Variants in FSTL5 observed in about 807,000 individuals in gnomAD.
FSTL5 encodes follistatin like 5, also known as follistatin-related protein 5.
Under a neutral mutation model 89.1 loss-of-function variants are expected in FSTL5, and 62 were observed. The ratio of observed to expected loss-of-function variants is 0.70; its 90% CI spans 0.57 to 0.86. FSTL5 has a LOEUF of 0.86. Among genes scored for constraint, FSTL5 ranks in the 40% least tolerant of loss-of-function variants. The probability of loss-of-function intolerance (pLI) is 0.00; values close to 1 mark genes in which losing one functional copy is unlikely to be tolerated. For missense variants in FSTL5, 1,057 were observed against 1,001.6 expected (o/e 1.06, Z -0.75); for synonymous variants, 383 against 346.2 (o/e 1.11, Z -1.18).
intron 3 of FSTL5, among the ~76,000 whole-genome samples, chr4:161,929,321 C>CT (rs1186283128): frequency 2.0e-5 from 3 of 151,002 alleles, no homozygotes; most frequent in African/African-American, 7.3e-5. Flanking sequence ...TTCCATCACT[C>CT]TTTTTTTGTC....
intron 4 of FSTL5, among the ~76,000 whole-genome samples, chr4:161,783,336 T>C (rs1159039951): frequency 6.6e-6 from 1 of 152,140 alleles, no homozygotes; most frequent in Non-Finnish European, 1.5e-5. Context: ...GAGCTAATGC[T>C]CTTAAGCAGT....
intron 15 of FSTL5, 62 bp from the exon 16 acceptor site, chr4:161,386,511 A>G: frequency 1.7e-6 from 2 of 1,169,538 alleles, no homozygotes; most frequent in Non-Finnish European, 2.4e-6. Flanking sequence ...GTAAGAAAAA[A>G]ACTAGATACA....
intron 15 of FSTL5, among the ~76,000 whole-genome samples, chr4:161,425,004 C>T (rs1732123925): frequency 6.6e-6 from 1 of 152,142 alleles, no homozygotes; most frequent in South Asian, 2.1e-4. Flanking sequence ...TGCCATTGCC[C>T]AGTGTGAGCT....
At position 161,553,397 on chromosome 4, in the gene FSTL5, T is replaced by C. The variant is rs144379378; in HGVS notation, c.1016-10704A>G. On this transcript the variant is annotated intron_variant, in intron 8 of 15. Transcript: ENST00000306100. ...GGAGATACCAAAGGATGTAAATATA[T>C]ATATTTTATTCAAAAATTAGGTAAA... 3.3e-5 allele frequency among the ~76,000 whole-genome samples: 5 copies of C among 151,502 alleles called. No individual in the cohort carries two copies. In the East Asian group the frequency reaches 9.7e-4, roughly 30 times the overall value.
intron 4 of FSTL5, among the ~76,000 whole-genome samples, chr4:161,870,516 G>A (rs554396230): frequency 5.3e-5 from 8 of 152,102 alleles, no homozygotes; most frequent in Non-Finnish European, 7.4e-5. Flanking sequence ...TCATAGAGTC[G>A]TCCATGAATG....
At chr4:161,913,489 C>T (rs140148015) in intron 4 of FSTL5, among the ~76,000 whole-genome samples, 1,709 of 152,262 alleles carry the variant, frequency 0.011, 40 homozygotes, top group African/African-American at 0.037. Flanking sequence ...ATTGAGCCTG[C>T]GTGTGCACAG....
At chr4:161,699,537 T>G (rs1560796949) in intron 6 of FSTL5, among the ~76,000 whole-genome samples, 1 of 152,168 alleles carries the variant, frequency 6.6e-6, no homozygotes, top group Non-Finnish European at 1.5e-5. Flanking sequence ...ACTGTATGAA[T>G]TGCAGGCTGT....
At chr4:161,828,486 T>G (rs1418586271) in intron 4 of FSTL5, among the ~76,000 whole-genome samples, 2 of 152,202 alleles carry the variant, frequency 1.3e-5, no homozygotes, top group African/African-American at 4.8e-5. Context: ...CTATCTGCCA[T>G]TTTCCTCTCT....
intron 4 of FSTL5, among the ~76,000 whole-genome samples, chr4:161,830,637 C>CT (rs1730815147): frequency 6.6e-6 from 1 of 151,968 alleles, no homozygotes; most frequent in African/African-American, 2.4e-5. Flanking sequence ...ACTGAACATG[C>CT]TTTTGTCTGT....
chr4:161,695,424 C>CGTGTGTGTGTGTGTGTGTGTGT lies in FSTL5; in HGVS notation c.728-38952_728-38931dup, dbSNP rs151205054. On this transcript the variant is annotated intron_variant, in intron 6 of 15. Transcript: ENST00000306100. ...TGGCTGAGTAGTATTCCATGGTGTA[C>CGTGTGTGTGTGTGTGTGTGTGT]GTGTGTGTGTGTGTGTGTGTGTGTG... Among the ~76,000 whole-genome samples, 1,209 of 134,130 alleles carry CGTGTGTGTGTGTGTGTGTGTGT rather than the reference C, an allele frequency of 9.0e-3. 9 individuals are homozygous for CGTGTGTGTGTGTGTGTGTGTGT. The highest frequency in any genetic ancestry group is 0.019 in the Middle Eastern group (5 of 262). The allele number at this position is 134,130 out of a possible 152,430, so 88.0% of individuals were successfully genotyped here. A position where few individuals can be genotyped will look rare whatever the true frequency, so the allele number is the denominator to read the frequency against.
chr4:162,061,107 T>C (rs1455425674), intron 2 of FSTL5, among the ~76,000 whole-genome samples: 2 of 152,136 alleles, frequency 1.3e-5, no homozygotes, highest in Non-Finnish European at 2.9e-5. Context: ...TTTATGTATG[T>C]TGGCTGTGTT....
At chr4:162,058,666 T>C (rs911896697) in intron 2 of FSTL5, among the ~76,000 whole-genome samples, 1 of 151,974 alleles carries the variant, frequency 6.6e-6, no homozygotes, top group African/African-American at 2.4e-5. Flanking sequence ...TGACCTCAAG[T>C]GATATGTCTG....
chr4:161,875,961 C>A (rs1288343604), intron 4 of FSTL5, among the ~76,000 whole-genome samples: 1 of 152,154 alleles, frequency 6.6e-6, no homozygotes, highest in Non-Finnish European at 1.5e-5. Flanking sequence ...CCACAGCATA[C>A]AACCACAAAT....
chr4:161,690,511 G>T (rs1433571363), intron 6 of FSTL5, among the ~76,000 whole-genome samples: 3 of 151,832 alleles, frequency 2.0e-5, no homozygotes, highest in Non-Finnish European at 2.9e-5. Flanking sequence ...TCATTGAATT[G>T]GTTGTCTTTC....
At position 161,882,715 on chromosome 4, in the gene FSTL5, T is replaced by C. The variant is rs140638207; in HGVS notation, c.409+37689A>G. Among the ~76,000 whole-genome samples the C allele has an allele frequency of 1.5e-3, 227 of 152,230 alleles. 1 individual carries two copies. Among genetic ancestry groups the C allele is most frequent in the Middle Eastern group, 0.014 (4 of 294 alleles). On this transcript the variant is annotated intron_variant, in intron 4 of 15. Transcript: ENST00000306100. ...AACAATAAAAATGAGTTTTAAAACA[T>C]ATTTTATCTGCATTTTTTCTTTTAC...
intron 3 of FSTL5, among the ~76,000 whole-genome samples, chr4:162,015,638 G>T (rs1332182522): frequency 6.6e-6 from 1 of 152,136 alleles, no homozygotes; most frequent in Non-Finnish European, 1.5e-5. Context: ...CACTGACCAA[G>T]TAGCTTCATA....
chr4:161,681,967 T>G (rs1737539959), intron 6 of FSTL5, among the ~76,000 whole-genome samples: 1 of 152,156 alleles, frequency 6.6e-6, no homozygotes, highest in Non-Finnish European at 1.5e-5. Flanking sequence ...TACAGACTAC[T>G]ATACACCTGC....
At chr4:161,625,720 G>T (rs1029299347) in intron 7 of FSTL5, among the ~76,000 whole-genome samples, 1 of 152,090 alleles carries the variant, frequency 6.6e-6, no homozygotes, top group Non-Finnish European at 1.5e-5. Flanking sequence ...GTTGAAAGCC[G>T]AAACAGGTCA....
intron 4 of FSTL5, among the ~76,000 whole-genome samples, chr4:161,872,371 A>G (rs1440611): frequency 0.98 from 149,683 of 152,252 alleles, 73,619 homozygotes; most frequent in Non-Finnish European, 1. Context: ...AAAATAAAAT[A>G]TATTGAGTTT....
Sources: allele counts gnomAD v4.1 joint callset (sites outside exome capture counted in the v4.1 genomes callset), GRCh38; gene constraint gnomAD v4.1.1; transcripts MANE v1.5; gene names NCBI Gene and HGNC (gene_info 2026-07-23, HGNC 2026-07-21).